MALRD1: variants seen among roughly 807,000 people sequenced by gnomAD.
The protein encoded by MALRD1 is MAM and LDL receptor class A domain containing 1, also known as MAM and LDL-receptor class A domain-containing protein 1.
In MALRD1, 247 loss-of-function variants were observed where a neutral mutation model predicts 242.1. That is an observed-to-expected ratio of 1.02 (90% CI 0.92 to 1.13). The LOEUF is 1.13. MALRD1 is among the 50% of genes most tolerant of loss of function. MALRD1 has a pLI of 0.00. For synonymous variants in MALRD1, 995 were observed against 866.6 expected (o/e 1.15, Z -2.60); for missense variants, 2,989 against 2,533.1 (o/e 1.18, Z -3.86).
chr10:19,562,031 G>A (rs1234651942), intron 32 of MALRD1, among the ~76,000 whole-genome samples: 1 of 152,124 alleles, frequency 6.6e-6, no homozygotes. Context: ...AGGCGCAGTG[G>A]CTTACCCCTT....
intron 34 of MALRD1, among the ~76,000 whole-genome samples, chr10:19,604,333 G>C (rs1731483998): frequency 6.6e-6 from 1 of 152,150 alleles, no homozygotes; most frequent in African/African-American, 2.4e-5. Context: ...TAGTGCTTTT[G>C]AAATCTATCC....
chr10:19,086,837 C>T (rs1835684575), intron 2 of MALRD1, among the ~76,000 whole-genome samples: 1 of 152,056 alleles, frequency 6.6e-6, no homozygotes, highest in South Asian at 2.1e-4. Context: ...TTATCACAGG[C>T]TCAGAATGTT....
chr10:19,300,689 C>T (rs1382593674), intron 21 of MALRD1, among the ~76,000 whole-genome samples: 1 of 151,940 alleles, frequency 6.6e-6, no homozygotes, highest in Non-Finnish European at 1.5e-5. Context: ...CCCTTCCTTA[C>T]TCCATATTCA....
intron 2 of MALRD1, among the ~76,000 whole-genome samples, chr10:19,071,098 G>T (rs2358283): frequency 0.026 from 3,938 of 151,790 alleles, 77 homozygotes; most frequent in Middle Eastern, 0.051. Context: ...TGATCTCCCC[G>T]CCTCAGCATC....
At chr10:19,452,583 T>C (rs1428863037) in intron 29 of MALRD1, among the ~76,000 whole-genome samples, 1 of 152,220 alleles carries the variant, frequency 6.6e-6, no homozygotes, top group Non-Finnish European at 1.5e-5. Flanking sequence ...TCAAATTGTT[T>C]TTCAGTTAAG....
At chr10:19,448,256 C>T (rs1412685512) in intron 28 of MALRD1, among the ~76,000 whole-genome samples, 1 of 151,906 alleles carries the variant, frequency 6.6e-6, no homozygotes, top group African/African-American at 2.4e-5. Flanking sequence ...TGCTATAAAT[C>T]TATTGGAACA....
At chr10:19,341,522 A>G (rs1413605602) in intron 24 of MALRD1, among the ~76,000 whole-genome samples, 24 of 146,796 alleles carry the variant, frequency 1.6e-4, no homozygotes, top group Admixed American at 1.0e-3. Context: ...GTGTGTATAT[A>G]TGTATATATA....
At chr10:19,502,916 ACATT>A (rs755614372) in intron 31 of MALRD1, among the ~76,000 whole-genome samples, 90 of 107,340 alleles carry the variant, frequency 8.4e-4, no homozygotes, top group Non-Finnish European at 1.5e-3. Context: ...TTTAATGGAA[ACATT>A]AAAGATTATT....
chr10:19,147,189 G>A (rs369185606), intron 11 of MALRD1, among the ~76,000 whole-genome samples: 1 of 152,152 alleles, frequency 6.6e-6, no homozygotes, highest in Non-Finnish European at 1.5e-5. Context: ...TACTTGTACT[G>A]TAGATCATCT....
intron 24 of MALRD1, among the ~76,000 whole-genome samples, chr10:19,347,076 C>G (rs968754465): frequency 5.3e-5 from 8 of 152,144 alleles, no homozygotes; most frequent in Non-Finnish European, 1.0e-4. Context: ...ATAACATCTT[C>G]ACTACCATTT....
intron 1 of MALRD1, among the ~76,000 whole-genome samples, chr10:19,050,399 T>TA (rs776402803): frequency 5.3e-5 from 8 of 152,174 alleles, no homozygotes; most frequent in Non-Finnish European, 8.8e-5. Context: ...CTTTTTTTTT[T>TA]ATTCAGATAA....
chr10:19,275,534 T>G (rs1287676894), intron 19 of MALRD1, among the ~76,000 whole-genome samples: 1 of 152,108 alleles, frequency 6.6e-6, no homozygotes, highest in Non-Finnish European at 1.5e-5. Context: ...CCTGGCGTGG[T>G]GGCGGGCGCC....
chr10:19,283,353 G>A (rs1012568432), intron 21 of MALRD1, among the ~76,000 whole-genome samples, 172 bp downstream of exon 21: 1 of 152,092 alleles, frequency 6.6e-6, no homozygotes, highest in Admixed American at 6.6e-5. Context: ...AATTAAAAAA[G>A]CAATGAATGC....
chr10:19,586,297 G>A (rs972779041), intron 33 of MALRD1, among the ~76,000 whole-genome samples: 1 of 152,122 alleles, frequency 6.6e-6, no homozygotes, highest in African/African-American at 2.4e-5. Context: ...AGGAGGAGAG[G>A]TGCTCTGCTT....
chr10:19,640,496 ATT>A (rs35055207), intron 36 of MALRD1, among the ~76,000 whole-genome samples: 4 of 151,250 alleles, frequency 2.6e-5, no homozygotes, highest in South Asian at 2.1e-4. Flanking sequence ...GTATGTTTTA[ATT>A]TTTTTTTTCA....
chr10:19,642,890 G>T lies in MALRD1; in HGVS notation c.6137+26967G>T, dbSNP rs567779450. Among the ~76,000 whole-genome samples, 197 of 152,294 alleles carry T rather than the reference G, an allele frequency of 1.3e-3. 1 individual carries two copies. The South Asian group carries it at 0.013, about 10-fold the overall frequency. On this transcript the variant is annotated intron_variant, in intron 36 of 39. Coordinates refer to ENST00000454679, the MANE Select transcript of MALRD1 (RefSeq NM_001142308.3). ...TAATAGGTTTCAGGGAGTAGATGCT[G>T]ATAGGCATGAGCAAACAAAGGGATT...
chr10:19,124,159 G>A (rs776767667), intron 6 of MALRD1, among the ~76,000 whole-genome samples: 1 of 152,074 alleles, frequency 6.6e-6, no homozygotes, highest in Non-Finnish European at 1.5e-5. Flanking sequence ...TAAGGCTACA[G>A]TGGGCTATGA....
At chr10:19,479,060 A>G (rs1836869482) in intron 29 of MALRD1, among the ~76,000 whole-genome samples, 1 of 152,196 alleles carries the variant, frequency 6.6e-6, no homozygotes, top group Admixed American at 6.5e-5. Flanking sequence ...AGCCCAAGCA[A>G]TTTTACCAAA....
chr10:19,595,283 G>C lies in MALRD1; in HGVS notation c.5770G>C (p.Asp1924His). 1 of 1,550,730 alleles carries C rather than the reference G, an allele frequency of 6.4e-7. No individual in the cohort carries two copies. The highest frequency in any genetic ancestry group is 8.7e-7 in the Non-Finnish European group (1 of 1,146,982). Reference sequence around the variant, plus strand: ...ATGTGTCCCTCTCTCAGGGAAATGTGATGGACATGAAGACTGCATAGATGG... The same window carrying C: ...ATGTGTCCCTCTCTCAGGGAAATGTCATGGACATGAAGACTGCATAGATGG... ...LQCVPLSGKCDGHEDCIDGSD... is the reference protein window; with the variant it reads ...LQCVPLSGKCHGHEDCIDGSD... Residue 1924 changes from aspartate (D) to histidine (H), a missense_variant, in exon 34 of 40, where the codon GAT (aspartate) becomes CAT (histidine). Asp to His is a moderately conservative substitution (Grantham distance 81, BLOSUM62 -1). Transcript: ENST00000454679.
Sources: allele counts gnomAD v4.1 joint callset (sites outside exome capture counted in the v4.1 genomes callset), GRCh38; gene constraint gnomAD v4.1.1; transcripts MANE v1.5; gene names NCBI Gene and HGNC (gene_info 2026-07-23, HGNC 2026-07-21).